PIEZO1: variants seen among roughly 807,000 people sequenced by gnomAD.
PIEZO1 encodes the protein piezo type mechanosensitive ion channel component 1 (Er blood group), also known as piezo-type mechanosensitive ion channel component 1.
Under a neutral mutation model 297.2 loss-of-function variants are expected in PIEZO1, and 296 were observed. That is an observed-to-expected ratio of 1.00 (90% CI 0.91 to 1.10). The LOEUF (loss-of-function observed/expected upper bound fraction) is 1.10. Ranked by LOEUF, PIEZO1 falls within the 50% of genes least tolerant of loss-of-function variation. The pLI is 0.00. For synonymous variants in PIEZO1, 2,427 were observed against 1,507.5 expected, an observed-to-expected ratio of 1.61 and a Z score of -14.13; for missense variants, 5,018 against 3,455.5, an observed-to-expected ratio of 1.45 and a Z score of -11.34.
chr16:88,734,361 A>C lies in PIEZO1; in HGVS notation c.2175T>G (p.Ala725=). 6.5e-7 allele frequency: 1 copy of C among 1,530,140 alleles called. No homozygotes were observed. Among genetic ancestry groups the C allele is most frequent in the Non-Finnish European group, 8.8e-7 (1 of 1,135,908 alleles). 94.8% of individuals were successfully genotyped at this position (1,530,140 alleles called of 1,614,324 possible). Residue 725 remains alanine, a synonymous_variant, in exon 16 of 51, where the codon GCT becomes GCG. Coordinates refer to ENST00000301015, the MANE Select transcript of PIEZO1 (RefSeq NM_001142864.4). ...SLPGTRLPRW[A]HRQDAVSGTP... is the part of the protein sequence containing the mutation. ...CAGGGAGGGCGGGGCCGCACCTGTG[A>C]GCCCAGCGCGGGAGGCGCGTGCCAG...
intron 1 of PIEZO1, among the ~76,000 whole-genome samples, chr16:88,768,278 G>C (rs1907264881): frequency 6.6e-6 from 1 of 152,206 alleles, no homozygotes; most frequent in African/African-American, 2.4e-5. Context: ...CCTTATGGCA[G>C]GGTGTCCCCA....
intron 2 of PIEZO1, among the ~76,000 whole-genome samples, chr16:88,749,028 G>C (rs541061418): frequency 2.0e-5 from 3 of 150,980 alleles, no homozygotes; most frequent in African/African-American, 4.9e-5. Context: ...ACAAGGTCAG[G>C]AGATCGAGAC....
chr16:88,755,377 AAG>A (rs1419834054), intron 1 of PIEZO1, among the ~76,000 whole-genome samples: 2 of 152,242 alleles, frequency 1.3e-5, no homozygotes, highest in South Asian at 4.1e-4. Context: ...ACGTGCAGGA[AAG>A]AAAAAAAAGA....
At chr16:88,756,232 C>T (rs993312097) in intron 1 of PIEZO1, among the ~76,000 whole-genome samples, 1 of 152,192 alleles carries the variant, frequency 6.6e-6, no homozygotes, top group South Asian at 2.1e-4. Flanking sequence ...ACACCCAGCC[C>T]GATGTCCACC....
chr16:88,717,556 C>T (rs547603700), intron 44 of PIEZO1: 17 of 493,692 alleles, frequency 3.4e-5, no homozygotes, highest in African/African-American at 9.7e-5. Flanking sequence ...GATCAAAGAG[C>T]GAAACTTCAG....
At chr16:88,747,785 G>A (rs981617847) in intron 2 of PIEZO1, among the ~76,000 whole-genome samples, 12 of 152,186 alleles carry the variant, frequency 7.9e-5, no homozygotes, top group East Asian at 1.9e-4. Context: ...TGGATTAGCC[G>A]GGGAGGCAGA....
At chr16:88,777,394 C>T (rs1323593071) in intron 1 of PIEZO1, among the ~76,000 whole-genome samples, 3 of 152,046 alleles carry the variant, frequency 2.0e-5, no homozygotes, top group Non-Finnish European at 2.9e-5. Flanking sequence ...GTCACTGGCC[C>T]GCAGACACAT....
intron 39 of PIEZO1, among the ~76,000 whole-genome samples, 182 bp downstream of exon 39, chr16:88,720,984 G>A (rs1912396060): frequency 6.6e-6 from 1 of 152,146 alleles, no homozygotes; most frequent in African/African-American, 2.4e-5. Flanking sequence ...CATCCCCGGG[G>A]GCAGCAGTCA....
chr16:88,726,644 C>A lies in PIEZO1; in HGVS notation c.3700-1G>T. On this transcript the variant is annotated splice_acceptor_variant, in intron 25 of 50. Transcript: ENST00000301015. LOFTEE classifies it high-confidence loss of function. ...GCTCCACGAAGACGCAGGCCAGGAG[C>A]TGGGGGAGAGCAGGGTCAGCGGGGC... is the stretch of plus-strand genomic sequence containing the variant. 1 of 1,358,598 alleles carries A rather than the reference C, an allele frequency of 7.4e-7. No individual in the cohort carries two copies. The highest frequency in any genetic ancestry group is 1.2e-5 in the South Asian group (1 of 81,510). 84.2% of individuals were successfully genotyped at this position (1,358,598 alleles called of 1,614,324 possible).
At chr16:88,768,383 G>C (rs1907270602) in intron 1 of PIEZO1, among the ~76,000 whole-genome samples, 1 of 152,216 alleles carries the variant, frequency 6.6e-6, no homozygotes, top group Non-Finnish European at 1.5e-5. Context: ...AGAGTGGATT[G>C]TTCCCTGTGG....
Position 88,716,920 on chromosome 16 carries a change from G to A in PIEZO1, c.6661-22C>T, listed in dbSNP as rs375181741. The A allele has an allele frequency of 7.0e-4, 1,088 of 1,548,550 alleles. 2 individuals are homozygous for A. Among genetic ancestry groups the A allele is most frequent in the Non-Finnish European group, 9.0e-4 (1,035 of 1,146,160 alleles). ...GCGGCTGGGGCAGGCACGGGGACAC[G>A]GGGCCACGAAGATGAGCGTGGAGGA... is the stretch of plus-strand genomic sequence containing the variant. On this transcript the variant is annotated intron_variant, in intron 45 of 50. Coordinates refer to ENST00000301015, the MANE Select transcript of PIEZO1 (RefSeq NM_001142864.4).
chr16:88,738,583 G>A lies in PIEZO1; in HGVS notation c.619C>T (p.Leu207=), dbSNP rs1905418571. 3.3e-6 allele frequency: 5 copies of A among 1,535,340 alleles called. 1 individual carries two copies. Among genetic ancestry groups the A allele is most frequent in the South Asian group, 2.4e-5 (2 of 84,016 alleles). Residue 207 remains leucine, a synonymous_variant, in exon 6 of 51, where the codon CTG becomes TTG. Transcript: ENST00000301015. ...CGGTGCGTACCTGCCAGTGCAAGCA[G>A]TGTTACGGCCAGGACCCGCCCAGCC... ...VAAGRVLAVT[L]LALAGIAHPS...
intron 1 of PIEZO1, among the ~76,000 whole-genome samples, chr16:88,756,508 C>G (rs573305439): frequency 2.0e-5 from 3 of 152,338 alleles, no homozygotes; most frequent in Admixed American, 2.0e-4. Flanking sequence ...AATCCCAGCA[C>G]TTTGGGAGGC....
intron 1 of PIEZO1, among the ~76,000 whole-genome samples, chr16:88,768,480 A>G (rs116387447): frequency 0.044 from 6,762 of 152,314 alleles, 502 homozygotes; most frequent in African/African-American, 0.15. Flanking sequence ...AGACGGACAC[A>G]CTGCCCTCTC....
intron 2 of PIEZO1, among the ~76,000 whole-genome samples, chr16:88,748,047 G>A (rs546294493): frequency 6.6e-6 from 1 of 152,290 alleles, no homozygotes; most frequent in Admixed American, 6.5e-5. Context: ...TCCCAGAAGG[G>A]CGGCACCCAA....
chr16:88,736,811 A>C, intron 10 of PIEZO1, 72 bp from the exon 11 acceptor site: 14 of 964,240 alleles, frequency 1.5e-5, no homozygotes, highest in East Asian at 2.8e-5. Flanking sequence ...ATGCCCTAAA[A>C]TCTGGGCCCT....
Position 88,723,891 on chromosome 16 carries a change from A to C in PIEZO1, c.4315T>G (p.Ser1439Ala). 1 of 1,546,182 alleles carries C rather than the reference A, an allele frequency of 6.5e-7. No homozygotes were observed. Residue 1439 changes from serine to alanine, a missense_variant, in exon 31 of 51, where the codon TCG becomes GCG. Coordinates refer to ENST00000301015, the MANE Select transcript of PIEZO1 (RefSeq NM_001142864.4). ...CTCACCTGGAAGGCACTCTGTGCCG[A>C]CGGCCTCGGGTCTTCAGGAACAGCC... ...EEAVPEDPRP[S>A]AQSAFQLAYQ...
At chr16:88,751,711 G>A (rs149696429) in intron 1 of PIEZO1, among the ~76,000 whole-genome samples, 132 of 151,306 alleles carry the variant, frequency 8.7e-4, no homozygotes, top group African/African-American at 3.0e-3. Flanking sequence ...GGCCCAAGAG[G>A]CAGGAGGAAA....
intron 1 of PIEZO1, among the ~76,000 whole-genome samples, chr16:88,765,233 C>G (rs1316296699): frequency 6.6e-6 from 1 of 152,212 alleles, no homozygotes; most frequent in Non-Finnish European, 1.5e-5. Context: ...ACCTCCCTCG[C>G]AGGCAGGAGG....
Sources: allele counts gnomAD v4.1 joint callset (sites outside exome capture counted in the v4.1 genomes callset), GRCh38; gene constraint gnomAD v4.1.1; transcripts MANE v1.5; gene names NCBI Gene and HGNC (gene_info 2026-07-23, HGNC 2026-07-21).